TSHZ1: variants seen among roughly 807,000 people sequenced by gnomAD.
TSHZ1 encodes teashirt zinc finger homeobox 1, also known as teashirt homolog 1.
In TSHZ1, 12 loss-of-function variants were observed where a neutral mutation model predicts 67.1. The ratio of observed to expected loss-of-function variants is 0.18; its 90% confidence interval spans 0.11 to 0.29. The LOEUF (loss-of-function observed/expected upper bound fraction) is 0.29. Among genes scored for constraint, TSHZ1 ranks in the 10% least tolerant of loss-of-function variants. TSHZ1 has a pLI of 1.00. For missense variants in TSHZ1, 1,305 were observed against 1,413.9 expected (o/e 0.92, Z 1.23); for synonymous variants, 632 against 622.4 (o/e 1.02, Z -0.23).
chr18:75,221,198 C>T (rs1270460113), intron 1 of TSHZ1: 1 of 152,198 alleles, frequency 6.6e-6, no homozygotes, highest in Non-Finnish European at 1.5e-5. Flanking sequence ...TACTTACATG[C>T]TTATAAATTC....
Position 75,287,467 on chromosome 18 carries a change from G to C in TSHZ1, c.2060G>C (p.Ser687Thr). ...GATTTCCCGAAAACGGAGGAAGTCA[G>C]CGGCAAACCACAGAAGAAGGGCCCT... Reference protein sequence around the residue: ...NKDFPKTEEVSGKPQKKGPEA... With the variant: ...NKDFPKTEEVTGKPQKKGPEA... Residue 687 changes from serine to threonine, a missense_variant, in exon 2 of 2, where the codon AGC becomes ACC. Physicochemically the swap from Ser to Thr is moderately conservative, Grantham distance 58. Transcript: ENST00000580243. This position sits in a 1 kb window ranked among gnomAD's most constrained non-coding sequence, Gnocchi z 5.0. The C allele has an allele frequency of 6.2e-7, 1 of 1,614,244 alleles. No individual in the cohort carries two copies. The highest frequency in any genetic ancestry group is 1.1e-5 in the South Asian group (1 of 91,092).
rs987494720 is a variant in TSHZ1 at position 75,214,768 on chromosome 18, G to A, written c.40+2852G>A. On this transcript the variant is annotated intron_variant, in intron 1 of 1. Transcript: ENST00000580243. ...GGAAATGGTCCCTTCGTAATGAAGC[G>A]GCTTCTTAATTATCAAAAAAGGTAA... Among the ~76,000 whole-genome samples the A allele has an allele frequency of 2.6e-5, 4 of 152,020 alleles. 1 individual carries two copies. Among genetic ancestry groups the A allele is most frequent in the African/African-American group, 7.2e-5 (3 of 41,386 alleles).
At chr18:75,236,520 G>A (rs949794151) in intron 1 of TSHZ1, among the ~76,000 whole-genome samples, 5 of 152,100 alleles carry the variant, frequency 3.3e-5, no homozygotes, top group Admixed American at 6.5e-5. Flanking sequence ...GCATTCTTCT[G>A]TTTTCAGTGT....
In TSHZ1 at chr18:75,275,741, G is replaced by T. The variant is rs2023607409; in HGVS notation, c.41-9707G>T. Among the ~76,000 whole-genome samples the T allele has an allele frequency of 2.6e-5, 4 of 152,158 alleles. No individual in the cohort carries two copies. The South Asian group carries it at 8.3e-4, about 32-fold the overall frequency. Reference sequence around the variant, plus strand: ...GACGTGGGGGTAAAAACTGAAATCGGCTGATGTTTTGAGTGCAGGTCATTG... The same window carrying T: ...GACGTGGGGGTAAAAACTGAAATCGTCTGATGTTTTGAGTGCAGGTCATTG... On this transcript the variant is annotated intron_variant, in intron 1 of 1. Coordinates refer to ENST00000580243, the MANE Select transcript of TSHZ1 (RefSeq NM_001308210.2).
intron 1 of TSHZ1, among the ~76,000 whole-genome samples, chr18:75,266,198 G>C (rs995660104): frequency 6.6e-6 from 1 of 152,162 alleles, no homozygotes; most frequent in African/African-American, 2.4e-5. Context: ...CCCGGTGCTA[G>C]GGCCTCACCC....
rs2023812981 is a variant in TSHZ1 at position 75,288,280 on chromosome 18, A to G, written c.2873A>G (p.Lys958Arg). 6.2e-7 allele frequency: 1 copy of G among 1,614,062 alleles called. No homozygotes were observed. The highest frequency in any genetic ancestry group is 8.5e-7 in the Non-Finnish European group (1 of 1,180,052). ...KYQLRRTGGT[K>R]FLKNLDTGHP... ...CAGTTGAGGAGGACAGGGGGAACGA[A>G]ATTCCTAAAGAACCTGGACACAGGG... The change falls in exon 2 of 2, where the codon AAA becomes AGA. Residue 958 changes from lysine to arginine, a missense_variant. This residue lies in a region of TSHZ1 where 909 missense variants were observed against 961.8 expected (regional missense o/e 0.95). Coordinates refer to ENST00000580243, the MANE Select transcript of TSHZ1 (RefSeq NM_001308210.2). This position sits in a 1 kb window ranked among gnomAD's most constrained non-coding sequence, Gnocchi z 4.9.
intron 1 of TSHZ1, among the ~76,000 whole-genome samples, chr18:75,258,227 C>G (rs1427443126): frequency 6.6e-6 from 1 of 152,180 alleles, no homozygotes; most frequent in Non-Finnish European, 1.5e-5. Context: ...ATGGAGTGCA[C>G]GTGGTACCCA....
chr18:75,215,338 G>A (rs75660435), intron 1 of TSHZ1, among the ~76,000 whole-genome samples: 3,964 of 152,302 alleles, frequency 0.026, 176 homozygotes, highest in African/African-American at 0.089. Flanking sequence ...ACTAGGGCAG[G>A]GCAAGTCTGT....
At position 75,286,799 on chromosome 18, in the gene TSHZ1, G is replaced by T. The variant is rs1291854230; in HGVS notation, c.1392G>T (p.Lys464Asn). 6.2e-7 allele frequency: 1 copy of T among 1,613,784 alleles called. No homozygotes were observed. Among genetic ancestry groups the T allele is most frequent in the South Asian group, 1.1e-5 (1 of 91,080 alleles). ...TGCTGGACCCTGTGGTGGAAGAGAA[G>T]ATCCAGTCCATCCCACTACCGCCCA... ...QLVLDPVVEE[K>N]IQSIPLPPTT... The change falls in exon 2 of 2, where the codon AAG becomes AAT. Residue 464 changes from lysine to asparagine, a missense_variant. Physicochemically the swap from Lys to Asn is moderately conservative, Grantham distance 94 (BLOSUM62 0). Around this residue, in one of 3 missense-constraint regions of TSHZ1, gnomAD observed 909 missense variants for 961.8 expected, o/e 0.95. Coordinates refer to ENST00000580243, the MANE Select transcript of TSHZ1 (RefSeq NM_001308210.2). The surrounding 1 kb of genome is among the most constrained non-coding windows in gnomAD (Gnocchi z 5.1).
chr18:75,248,388 G>GTCC (rs2122560791), intron 1 of TSHZ1, among the ~76,000 whole-genome samples: 1 of 152,314 alleles, frequency 6.6e-6, no homozygotes, highest in Non-Finnish European at 1.5e-5. Context: ...CATCTGGAAA[G>GTCC]TCCTAGACTG....
At chr18:75,246,107 G>T (rs759067915) in intron 1 of TSHZ1, among the ~76,000 whole-genome samples, 2 of 152,178 alleles carry the variant, frequency 1.3e-5, no homozygotes, top group Non-Finnish European at 2.9e-5. Flanking sequence ...CAAGACCTGC[G>T]CTTCACGTTT....
At chr18:75,227,299 A>T (rs2022939032) in intron 1 of TSHZ1, among the ~76,000 whole-genome samples, 1 of 151,660 alleles carries the variant, frequency 6.6e-6, no homozygotes, top group Non-Finnish European at 1.5e-5. Flanking sequence ...CACCTACTAA[A>T]CCCGATAGAT....
At chr18:75,276,911 A>T (rs2023619694) in intron 1 of TSHZ1, among the ~76,000 whole-genome samples, 1 of 152,220 alleles carries the variant, frequency 6.6e-6, no homozygotes. Context: ...TGTGCTAATG[A>T]GGAAAAGAGA....
intron 1 of TSHZ1, among the ~76,000 whole-genome samples, chr18:75,263,754 A>G (rs2023457203): frequency 2.0e-5 from 3 of 152,236 alleles, no homozygotes; most frequent in South Asian, 4.1e-4. Flanking sequence ...AGATCCAGTT[A>G]TGCTATTTTT....
At chr18:75,214,797 T>G (rs2022745316) in intron 1 of TSHZ1, among the ~76,000 whole-genome samples, 1 of 152,226 alleles carries the variant, frequency 6.6e-6, no homozygotes, top group Admixed American at 6.5e-5. Flanking sequence ...AAGGTAAGGT[T>G]GTTTAGCCAG....
chr18:75,249,316 T>C lies in TSHZ1; in HGVS notation c.41-36132T>C, dbSNP rs367731632. The stretch of plus-strand genomic sequence containing the variant: ...CCACGGGGTCCTGGGGAGAGGATCA[T>C]GCCCTGTGGCTCTGCATCGCTCTCA... On this transcript the variant is annotated intron_variant, in intron 1 of 1. Coordinates refer to ENST00000580243, the MANE Select transcript of TSHZ1 (RefSeq NM_001308210.2). 1.1e-4 allele frequency among the ~76,000 whole-genome samples: 16 copies of C among 152,240 alleles called. No individual in the cohort carries two copies. In the East Asian group the frequency reaches 2.5e-3, roughly 24 times the overall value.
At chr18:75,221,062 C>T (rs2022839107) in intron 1 of TSHZ1, 1 of 152,150 alleles carries the variant, frequency 6.6e-6, no homozygotes, top group Admixed American at 6.5e-5. Flanking sequence ...CAGCAGAGCC[C>T]GCGTTAGCCA....
intron 1 of TSHZ1, among the ~76,000 whole-genome samples, chr18:75,234,754 C>T (rs527901758): frequency 1.3e-5 from 2 of 152,294 alleles, no homozygotes; most frequent in African/African-American, 2.4e-5. Context: ...TTCACCCATA[C>T]ATATTTCTAT....
At chr18:75,263,640 A>G (rs1485866761) in intron 1 of TSHZ1, among the ~76,000 whole-genome samples, 1 of 152,190 alleles carries the variant, frequency 6.6e-6, no homozygotes, top group East Asian at 1.9e-4. Flanking sequence ...CAGAGATGGT[A>G]TTTTTTGTTT....
Sources: gnomAD v4.1 joint callset for allele counts (sites outside exome capture counted in the v4.1 genomes callset) on GRCh38, gnomAD v4.1.1 for gene constraint, gnomAD v4.1.1 regional missense constraint, Gnocchi (gnomAD v3.1) non-coding constraint, MANE v1.5 for transcripts, NCBI Gene and HGNC (gene_info 2026-07-23, HGNC 2026-07-21) for gene names.